PDE2A: variants seen among roughly 807,000 people sequenced by gnomAD.
The protein encoded by PDE2A is cGMP-dependent 3',5'-cyclic phosphodiesterase.
A neutral mutation model predicts 133.6 loss-of-function variants in PDE2A; 53 were observed. The ratio of observed to expected loss-of-function variants is 0.40; its 90% CI spans 0.32 to 0.50. PDE2A has a LOEUF of 0.50. Among genes scored for constraint, PDE2A ranks in the 20% least tolerant of loss-of-function variants. The pLI is 0.73. For synonymous variants in PDE2A, 491 were observed against 490.2 expected (o/e 1.00, Z -0.02); for missense variants, 796 against 1,232.4 (o/e 0.65, Z 5.30).
chr11:72,592,161 G>A (rs886910159), intron 6 of PDE2A, among the ~76,000 whole-genome samples: 9 of 152,268 alleles, frequency 5.9e-5, no homozygotes, highest in Admixed American at 3.9e-4. Context: ...GGTGCTTGTC[G>A]AGGAAAATGA....
At chr11:72,654,619 C>G (rs932074) in intron 1 of PDE2A, among the ~76,000 whole-genome samples, 58,219 of 151,874 alleles carry the variant, frequency 0.38, 13,140 homozygotes, top group Middle Eastern at 0.61. Flanking sequence ...ACAGCATGCT[C>G]TCCTCCGCCC....
At chr11:72,589,120 G>T in intron 12 of PDE2A, 55 bp downstream of exon 12, 1 of 1,481,742 alleles carries the variant, frequency 6.7e-7, no homozygotes, top group East Asian at 2.3e-5. Context: ...CTGGCTCTAG[G>T]GGCTGGCAGT....
At chr11:72,628,167 A>T (rs1197279457) in intron 2 of PDE2A, among the ~76,000 whole-genome samples, 2 of 152,132 alleles carry the variant, frequency 1.3e-5, no homozygotes, top group African/African-American at 4.8e-5. Flanking sequence ...GGCTCTAAGG[A>T]TGTCATCCTT....
chr11:72,582,396 G>A lies in PDE2A; in HGVS notation c.1851+48C>T, dbSNP rs555865472. The A allele has an allele frequency of 1.4e-5, 23 of 1,586,422 alleles. No homozygotes were observed. The South Asian group carries it at 1.9e-4, about 13-fold the overall frequency. ...TGATGCGCATTTAACTTAAGCCTCTGGCTACATACCTTCGGCCTGGCCAGT... is the reference window on the plus strand; with the variant it reads ...TGATGCGCATTTAACTTAAGCCTCTAGCTACATACCTTCGGCCTGGCCAGT... On this transcript the variant is annotated intron_variant, in intron 21 of 30. Transcript: ENST00000334456.
At chr11:72,607,494 C>A (rs1269386623) in intron 3 of PDE2A, among the ~76,000 whole-genome samples, 1 of 152,172 alleles carries the variant, frequency 6.6e-6, no homozygotes, top group Non-Finnish European at 1.5e-5. Flanking sequence ...CAACACACCA[C>A]CCACTTCCTA....
chr11:72,629,227 C>G (rs980867438), intron 2 of PDE2A, among the ~76,000 whole-genome samples: 3 of 151,976 alleles, frequency 2.0e-5, no homozygotes, highest in Non-Finnish European at 4.4e-5. Context: ...GCCGGTGGAG[C>G]TGGACAAAGA....
At chr11:72,654,753 G>C (rs990670552) in intron 1 of PDE2A, among the ~76,000 whole-genome samples, 2 of 152,224 alleles carry the variant, frequency 1.3e-5, no homozygotes, top group Non-Finnish European at 2.9e-5. Flanking sequence ...CTGGAGGAAC[G>C]AGACAAGATG....
At chr11:72,670,814 A>G (rs1339743826) in intron 1 of PDE2A, among the ~76,000 whole-genome samples, 1 of 152,172 alleles carries the variant, frequency 6.6e-6, no homozygotes, top group African/African-American at 2.4e-5. Flanking sequence ...CCCTGCGGAG[A>G]AGACCCAGGA....
In PDE2A at chr11:72,608,838, C is replaced by T. The variant is rs1035499047; in HGVS notation, c.145-87G>A. 9 of 708,164 alleles carry T rather than the reference C, an allele frequency of 1.3e-5. No individual in the cohort carries two copies. The African/African-American group carries it at 1.4e-4, about 11-fold the overall frequency. 43.9% of individuals were successfully genotyped at this position (708,164 alleles called of 1,614,324 possible). A position where few individuals can be genotyped will look rare whatever the true frequency, so the allele number is the denominator to read the frequency against. ...CCAAAGGACTGTGAGCAAAACCCCC[C>T]AGCTTAGTCCAGAGCCCGAGTCTTT... On this transcript the variant is annotated intron_variant, in intron 2 of 30. Coordinates refer to ENST00000334456, the MANE Select transcript of PDE2A (RefSeq NM_002599.5).
chr11:72,668,923 T>C, intron 1 of PDE2A: 1 of 1,027,496 alleles, frequency 9.7e-7, no homozygotes, highest in Non-Finnish European at 1.2e-6. Context: ...CCTGAGCTCC[T>C]AGCTCTGGTC....
intron 2 of PDE2A, among the ~76,000 whole-genome samples, chr11:72,629,205 G>T (rs1031339934): frequency 1.3e-5 from 2 of 152,090 alleles, no homozygotes; most frequent in Non-Finnish European, 2.9e-5. Flanking sequence ...GAAGCCTCAT[G>T]GGAAGGACGA....
chr11:72,634,283 G>A (rs1461131295), intron 2 of PDE2A, among the ~76,000 whole-genome samples: 1 of 152,166 alleles, frequency 6.6e-6, no homozygotes, highest in Non-Finnish European at 1.5e-5. Flanking sequence ...GGAGGACTGG[G>A]GGCAGCTGTC....
rs140650032 is a variant in PDE2A, at chr11:72,654,691, G to A, written c.72-12365C>T. Among the ~76,000 whole-genome samples the A allele has an allele frequency of 1.0e-3, 155 of 152,322 alleles. 1 individual carries two copies. Among genetic ancestry groups the A allele is most frequent in the African/African-American group, 3.6e-3 (150 of 41,568 alleles). ...CTGCACCTGCCAGCCAGCCCTGGGAGCTCCTGTGCCCTCAGAGGCACCCAG... is the reference window on the plus strand; with the variant it reads ...CTGCACCTGCCAGCCAGCCCTGGGAACTCCTGTGCCCTCAGAGGCACCCAG... On this transcript the variant is annotated intron_variant, in intron 1 of 30. Transcript: ENST00000334456.
intron 2 of PDE2A, among the ~76,000 whole-genome samples, chr11:72,635,806 A>G (rs457556): frequency 0.64 from 97,420 of 151,926 alleles, 31,606 homozygotes; most frequent in Middle Eastern, 0.78. Context: ...GCATTCTGAT[A>G]ATTCGGGAAA....
chr11:72,671,023 T>A (rs947461765), intron 1 of PDE2A, among the ~76,000 whole-genome samples: 8 of 152,304 alleles, frequency 5.3e-5, no homozygotes, highest in Admixed American at 2.0e-4. Context: ...TGCCTAGCCC[T>A]GTGCCTTTCC....
chr11:72,580,511 G>C (rs1855674924), intron 25 of PDE2A, 66 bp downstream of exon 25: 1 of 1,200,796 alleles, frequency 8.3e-7, no homozygotes, highest in African/African-American at 1.5e-5. Context: ...GAGGAGCTGG[G>C]TCATAACTTT....
chr11:72,662,205 G>T (rs1855087645), intron 1 of PDE2A, among the ~76,000 whole-genome samples: 1 of 152,204 alleles, frequency 6.6e-6, no homozygotes, highest in Admixed American at 6.5e-5. Flanking sequence ...CCTAATGATT[G>T]TCAAGCACTT....
At chr11:72,589,279 C>G (rs767426365) in intron 11 of PDE2A, 39 bp from the exon 12 acceptor site, 5 of 1,500,432 alleles carry the variant, frequency 3.3e-6, no homozygotes, top group Non-Finnish European at 1.9e-6. Context: ...GCCCAGTACT[C>G]CCCAGGTCAG....
In PDE2A at chr11:72,576,201, G is replaced by A. The variant is rs886820895; in HGVS notation, c.*1183C>T. On this transcript the variant is annotated 3_prime_UTR_variant, in exon 31 of 31. Transcript: ENST00000334456. ...GCGGTCAGCCCACGGGACCATATAC[G>A]ACAGTTGCACAGAGTCCTAGAAAAA... is the stretch of plus-strand genomic sequence containing the variant. The A allele has an allele frequency of 2.6e-5, 4 of 152,430 alleles. No individual in the cohort carries two copies. Among genetic ancestry groups the A allele is most frequent in the South Asian group, 2.1e-4 (1 of 4,826 alleles). The allele number at this position is 152,430 out of a possible 1,614,324, so 9.4% of individuals were successfully genotyped here. A position where few individuals can be genotyped will look rare whatever the true frequency, so the allele number is the denominator to read the frequency against.
Sources: allele counts gnomAD v4.1 joint callset (sites outside exome capture counted in the v4.1 genomes callset), GRCh38; gene constraint gnomAD v4.1.1; transcripts MANE v1.5; gene names NCBI Gene and HGNC (gene_info 2026-07-23, HGNC 2026-07-21).